The following ZNF644 variants were observed in gnomAD, a reference collection of about 807,000 sequenced individuals.
ZNF644 encodes the protein zinc finger protein 644.
In ZNF644, 20 loss-of-function variants were observed where a neutral mutation model predicts 108.0. The observed-to-expected ratio is 0.19, with a 90% CI of 0.13 to 0.27. The LOEUF (loss-of-function observed/expected upper bound fraction) is 0.27, where lower values mean the gene tolerates loss of function less well. ZNF644 is among the 10% of genes least tolerant of loss of function. The pLI, the probability that ZNF644 is intolerant of heterozygous loss-of-function variation, is 1.00. For missense variants in ZNF644, 1,338 were observed against 1,548.9 expected (o/e 0.86, Z 2.29); for synonymous variants, 542 against 539.1 (o/e 1.01, Z -0.08).
intron 1 of ZNF644, among the ~76,000 whole-genome samples, chr1:90,999,391 C>T (rs933156805): frequency 2.0e-5 from 3 of 152,176 alleles, no homozygotes; most frequent in African/African-American, 7.2e-5. Flanking sequence ...AAATATTCAA[C>T]ATTCTTAACA....
intron 4 of ZNF644, among the ~76,000 whole-genome samples, chr1:90,936,228 G>C (rs927987985): frequency 6.6e-6 from 1 of 152,128 alleles, no homozygotes; most frequent in Non-Finnish European, 1.5e-5. Context: ...TAACTTCTCA[G>C]ACAATCCTCA....
At chr1:90,919,854 A>G (rs1649227357) in intron 4 of ZNF644, among the ~76,000 whole-genome samples, 1 of 152,080 alleles carries the variant, frequency 6.6e-6, no homozygotes, top group Non-Finnish European at 1.5e-5. Flanking sequence ...CCTATTTAAT[A>G]CAGGTAATAT....
intron 2 of ZNF644, among the ~76,000 whole-genome samples, chr1:90,952,795 C>G (rs1653314207): frequency 6.6e-6 from 1 of 151,844 alleles, no homozygotes; most frequent in South Asian, 2.1e-4. Context: ...AAGACAGAAG[C>G]AATACTTCTG....
In ZNF644 at chr1:90,918,153, G is replaced by A. The variant is rs1158379909; in HGVS notation, c.3690C>T (p.Ala1230=). ...TTGATTTCTTTTGCTTACAATCTAAGGCTAAAAAGGGGAAGAGAAAGACTT... is the reference window on the plus strand; with the variant it reads ...TTGATTTCTTTTGCTTACAATCTAAAGCTAAAAAGGGGAAGAGAAAGACTT... The part of the protein sequence containing the change: ...PQKMDLTMHS[A]LDCKQKKSRS... The change falls in exon 5 of 6, where the codon GCC becomes GCT. Residue 1230 remains alanine (A), a splice_region_variant and synonymous_variant. Transcript: ENST00000337393. 6.2e-7 allele frequency: 1 copy of A among 1,611,444 alleles called. No individual in the cohort carries two copies. The highest frequency in any genetic ancestry group is 1.7e-5 in the Admixed American group (1 of 59,978).
At position 90,939,421 on chromosome 1, in the gene ZNF644, T is replaced by C. The variant is rs1246421552; in HGVS notation, c.1933A>G (p.Lys645Glu). The C allele has an allele frequency of 3.1e-6, 5 of 1,613,856 alleles. No individual in the cohort carries two copies. Among genetic ancestry groups the C allele is most frequent in the African/African-American group, 2.7e-5 (2 of 74,928 alleles). ...VDSDSTKTLT[K>E]QQSTTFPKNS... Reference sequence around the variant, plus strand: ...TTTGGAAATGTGGTTGACTGTTGTTTAGTTAATGTTTTAGTGCTATCACTA... The same window carrying C: ...TTTGGAAATGTGGTTGACTGTTGTTCAGTTAATGTTTTAGTGCTATCACTA... Residue 645 changes from lysine (K) to glutamate (E), a missense_variant, in exon 3 of 6, where the codon AAA becomes GAA. Coordinates refer to ENST00000337393, the MANE Select transcript of ZNF644 (RefSeq NM_201269.3).
chr1:90,943,265 C>A (rs1652179264), intron 2 of ZNF644, among the ~76,000 whole-genome samples: 2 of 151,888 alleles, frequency 1.3e-5, no homozygotes, highest in South Asian at 2.1e-4. Flanking sequence ...CATGGTGATA[C>A]CCCGTCTCTA....
chr1:90,965,542 C>T (rs536537729), intron 2 of ZNF644, among the ~76,000 whole-genome samples: 2 of 152,194 alleles, frequency 1.3e-5, no homozygotes, highest in South Asian at 2.1e-4. Flanking sequence ...ATAATTCAAC[C>T]CTTAACACTA....
At chr1:90,991,745 A>G (rs1657657450) in intron 1 of ZNF644, among the ~76,000 whole-genome samples, 1 of 152,130 alleles carries the variant, frequency 6.6e-6, no homozygotes, top group South Asian at 2.1e-4. Flanking sequence ...CAACAACAGC[A>G]AGGTGGAAAT....
intron 1 of ZNF644, among the ~76,000 whole-genome samples, chr1:91,013,820 G>GT (rs1427656094): frequency 6.6e-6 from 1 of 151,652 alleles, no homozygotes; most frequent in Non-Finnish European, 1.5e-5. Flanking sequence ...ACTTAACATG[G>GT]TTAAAAAAAG....
chr1:91,008,128 T>C (rs954386356), intron 1 of ZNF644, among the ~76,000 whole-genome samples: 2 of 152,218 alleles, frequency 1.3e-5, no homozygotes, highest in Admixed American at 1.3e-4. Flanking sequence ...CAGATCAACA[T>C]GCAGATTTTT....
At chr1:90,926,006 C>T (rs1649991410) in intron 4 of ZNF644, among the ~76,000 whole-genome samples, 1 of 152,022 alleles carries the variant, frequency 6.6e-6, no homozygotes, top group Non-Finnish European at 1.5e-5. Flanking sequence ...CCTCACTAAC[C>T]ACCATAAAAC....
At chr1:90,967,894 C>A (rs976052914) in intron 2 of ZNF644, among the ~76,000 whole-genome samples, 116 of 123,288 alleles carry the variant, frequency 9.4e-4, no homozygotes, top group South Asian at 1.6e-3. Context: ...AAAAAAAATA[C>A]AAAAAAAAAA....
Position 90,940,250 on chromosome 1 carries a change from A to G in ZNF644, c.1104T>C (p.Asp368=), listed in dbSNP as rs1270231789. ...DAFQHLIYNP[D]KCGEESSPVH... ...CAGGTGAACTCTCTTCTCCACACTT[A>G]TCTGGGTTATAAATTAGATGTTGGA... The change falls in exon 3 of 6, where the codon GAT becomes GAC. Residue 368 remains aspartate, a synonymous_variant. Transcript: ENST00000337393. 1 of 1,613,872 alleles carries G rather than the reference A, an allele frequency of 6.2e-7. No homozygotes were observed. The highest frequency in any genetic ancestry group is 1.3e-5 in the African/African-American group (1 of 74,908).
intron 1 of ZNF644, among the ~76,000 whole-genome samples, chr1:90,984,955 C>T (rs1166779268): frequency 1.3e-5 from 2 of 152,152 alleles, no homozygotes; most frequent in African/African-American, 4.8e-5. Flanking sequence ...TGCCATAGAA[C>T]TGTACACTTT....
At position 90,941,318 on chromosome 1, in the gene ZNF644, TG is replaced by T; in HGVS notation, c.45-10del. On this transcript the variant is annotated splice_polypyrimidine_tract_variant and intron_variant, in intron 2 of 5. Coordinates refer to ENST00000337393, the MANE Select transcript of ZNF644 (RefSeq NM_201269.3). The stretch of plus-strand genomic sequence containing the variant: ...CATTTAACACATTTAGTCTAGAAAA[TG>T]GAAAAAAAAAATTTAGATTTGCATG... The T allele has an allele frequency of 6.3e-7, 1 of 1,589,408 alleles. No homozygotes were observed. Among genetic ancestry groups the T allele is most frequent in the East Asian group, 2.2e-5 (1 of 44,678 alleles).
intron 1 of ZNF644, among the ~76,000 whole-genome samples, chr1:90,993,409 C>A (rs1657828475): frequency 6.6e-6 from 1 of 152,028 alleles, no homozygotes; most frequent in South Asian, 2.1e-4. Flanking sequence ...CTGCTAAATG[C>A]AGATTCATAA....
chr1:91,018,176 G>C (rs575820759), intron 1 of ZNF644, among the ~76,000 whole-genome samples: 1 of 152,300 alleles, frequency 6.6e-6, no homozygotes, highest in African/African-American at 2.4e-5. Context: ...TTAAGGGGAA[G>C]AGGAGAAATC....
chr1:91,021,852 T>G (rs1250665576), intron 1 of ZNF644, 138 bp downstream of exon 1: 1 of 397,586 alleles, frequency 2.5e-6, no homozygotes, highest in Non-Finnish European at 4.4e-6. Flanking sequence ...GCCTAGGGCG[T>G]AGCTCCCCGG....
chr1:91,000,707 G>C (rs538717215), intron 1 of ZNF644, among the ~76,000 whole-genome samples: 1 of 152,226 alleles, frequency 6.6e-6, no homozygotes, highest in East Asian at 1.9e-4. Context: ...AGGAGATAGA[G>C]ACACAAAACA....
Sources: gnomAD v4.1 joint callset for allele counts (sites outside exome capture counted in the v4.1 genomes callset) on GRCh38, gnomAD v4.1.1 for gene constraint, MANE v1.5 for transcripts, NCBI Gene and HGNC (gene_info 2026-07-23, HGNC 2026-07-21) for gene names.